The following DPP6 variants were observed in gnomAD, a reference collection of about 807,000 sequenced individuals.
DPP6 encodes the protein dipeptidyl peptidase like 6, also known as A-type potassium channel modulatory protein DPP6.
Under a neutral mutation model 122.6 loss-of-function variants are expected in DPP6, and 69 were observed. That is an observed-to-expected ratio of 0.56 (90% CI 0.46 to 0.69). DPP6 has a LOEUF of 0.69. DPP6 is among the 30% of genes least tolerant of loss of function. The pLI, the probability that DPP6 is intolerant of heterozygous loss-of-function variation, is 0.00. For missense variants in DPP6, 928 were observed against 1,116.9 expected, an observed-to-expected ratio of 0.83 and a Z score of 2.41; for synonymous variants, 418 against 433.1, an observed-to-expected ratio of 0.97 and a Z score of 0.43.
At chr7:154,009,075 C>G (rs1389381836) in intron 1 of DPP6, among the ~76,000 whole-genome samples, 23 of 113,038 alleles carry the variant, frequency 2.0e-4, no homozygotes, top group African/African-American at 8.1e-4. Context: ...TGTTTCCAAG[C>G]AAGTTTTGCT....
chr7:154,235,579 A>G lies in DPP6; in HGVS notation c.243+182516A>G, dbSNP rs984910255. On this transcript the variant is annotated intron_variant, in intron 1 of 25. Transcript: ENST00000377770. ...AGCACTTTGTTCCTTTCTATTGTCA[A>G]ATAACTACACAGTGTTTTAAAGCCC... Among the ~76,000 whole-genome samples the G allele has an allele frequency of 4.0e-5, 6 of 149,184 alleles. No homozygotes were observed. The East Asian group carries it at 7.7e-4, about 19-fold the overall frequency.
chr7:154,465,142 A>C (rs563273434), intron 2 of DPP6, among the ~76,000 whole-genome samples: 1 of 152,266 alleles, frequency 6.6e-6, no homozygotes, highest in Admixed American at 6.5e-5. Context: ...GGAAAGCAAA[A>C]CCATGGGTAA....
chr7:153,799,039 G>A, the DPP6 span, among the ~76,000 whole-genome samples: 1 of 152,164 alleles, frequency 6.6e-6, no homozygotes, highest in Non-Finnish European at 1.5e-5. Context: ...TTGCTTACTT[G>A]GCCACCCCTC....
At chr7:154,227,273 C>T (rs920203613) in intron 1 of DPP6, among the ~76,000 whole-genome samples, 1 of 112,620 alleles carries the variant, frequency 8.9e-6, no homozygotes, top group Admixed American at 9.5e-5. Context: ...AAGGAAATTC[C>T]GCCATATGCT....
At chr7:154,733,666 A>T (rs566811392) in intron 8 of DPP6, among the ~76,000 whole-genome samples, 1 of 152,308 alleles carries the variant, frequency 6.6e-6, no homozygotes, top group East Asian at 1.9e-4. Context: ...GTAGTAGTGC[A>T]GTGTAGTAGA....
chr7:154,433,589 G>C (rs576125404), intron 1 of DPP6, among the ~76,000 whole-genome samples: 8 of 152,144 alleles, frequency 5.3e-5, no homozygotes, highest in Non-Finnish European at 1.0e-4. Flanking sequence ...GTGCACACCC[G>C]GGGGTTCTAA....
At chr7:154,275,635 A>G (rs992856648) in intron 1 of DPP6, among the ~76,000 whole-genome samples, 3 of 152,240 alleles carry the variant, frequency 2.0e-5, no homozygotes, top group Admixed American at 1.3e-4. Flanking sequence ...CTGGTATGCC[A>G]GGAGCCTGGG....
At chr7:154,327,547 A>G (rs535803361) in intron 1 of DPP6, among the ~76,000 whole-genome samples, 1 of 152,304 alleles carries the variant, frequency 6.6e-6, no homozygotes, top group African/African-American at 2.4e-5. Flanking sequence ...CTTGAGGAGT[A>G]GTGTTGACCT....
At chr7:154,550,314 C>CT (rs138511960) in intron 4 of DPP6, among the ~76,000 whole-genome samples, 2 of 152,042 alleles carry the variant, frequency 1.3e-5, no homozygotes, top group Non-Finnish European at 2.9e-5. Flanking sequence ...GAAGATACAG[C>CT]TTTTTTTCAT....
At chr7:154,119,008 C>G (rs143651908) in intron 1 of DPP6, among the ~76,000 whole-genome samples, 4,775 of 151,994 alleles carry the variant, frequency 0.031, 248 homozygotes, top group African/African-American at 0.11. Context: ...TTTACATCAT[C>G]TCAGGTGATA....
At chr7:154,024,715 G>A (rs1585193748) in intron 1 of DPP6, among the ~76,000 whole-genome samples, 2 of 152,300 alleles carry the variant, frequency 1.3e-5, no homozygotes, top group South Asian at 2.1e-4. Flanking sequence ...GTGACTCTTT[G>A]CTAAGTAACT....
chr7:153,837,027 C>G, the DPP6 span, among the ~76,000 whole-genome samples: 501 of 152,270 alleles, frequency 3.3e-3, 4 homozygotes, highest in African/African-American at 0.011. Context: ...AGGGATGCAA[C>G]GTGCTCATTG....
intron 1 of DPP6, among the ~76,000 whole-genome samples, chr7:153,964,960 C>CG (rs1795600845): frequency 1.8e-5 from 2 of 109,122 alleles, no homozygotes; most frequent in African/African-American, 7.8e-5. Context: ...TTCTCTCTTT[C>CG]TTTCTTTCAT....
intron 3 of DPP6, among the ~76,000 whole-genome samples, chr7:154,535,295 T>TTGTGACATTGAG (rs1297369331): frequency 1.3e-5 from 2 of 152,094 alleles, no homozygotes; most frequent in South Asian, 2.1e-4. Flanking sequence ...GATAAAATCT[T>TTGTGACATTGAG]TGTGACATTG....
chr7:153,981,725 T>C (rs1796599623), intron 1 of DPP6, among the ~76,000 whole-genome samples: 1 of 152,234 alleles, frequency 6.6e-6, no homozygotes, highest in African/African-American at 2.4e-5. Flanking sequence ...GGAGCTCTTT[T>C]AGGGAAGGCC....
intron 1 of DPP6, among the ~76,000 whole-genome samples, chr7:154,046,286 G>A (rs1305022911): frequency 1.3e-5 from 2 of 152,120 alleles, no homozygotes; most frequent in Non-Finnish European, 2.9e-5. Flanking sequence ...CAGCTGCAAG[G>A]CCTCTGCCTG....
chr7:154,335,342 G>A (rs1480699260), intron 1 of DPP6, among the ~76,000 whole-genome samples: 1 of 152,172 alleles, frequency 6.6e-6, no homozygotes, highest in East Asian at 1.9e-4. Flanking sequence ...AACTCTCAAT[G>A]CCACATATAC....
At chr7:154,686,657 C>T (rs765724081) in intron 7 of DPP6, among the ~76,000 whole-genome samples, 1 of 152,164 alleles carries the variant, frequency 6.6e-6, no homozygotes, top group African/African-American at 2.4e-5. Context: ...GTCAGTTATC[C>T]AGCACAGCAT....
chr7:154,516,880 G>A (rs767681515), intron 3 of DPP6, among the ~76,000 whole-genome samples: 1 of 152,056 alleles, frequency 6.6e-6, no homozygotes, highest in Non-Finnish European at 1.5e-5. Flanking sequence ...GTTTTGCCTT[G>A]GCAACACGGA....
Sources: allele counts gnomAD v4.1 joint callset (sites outside exome capture counted in the v4.1 genomes callset), GRCh38; gene constraint gnomAD v4.1.1; transcripts MANE v1.5; gene names NCBI Gene and HGNC (gene_info 2026-07-23, HGNC 2026-07-21).